Variants in DENND1B observed in about 807,000 individuals in gnomAD.
DENND1B encodes DENN domain-containing protein 1B.
In DENND1B, 59 loss-of-function variants were observed where a neutral mutation model predicts 90.1. The observed-to-expected ratio is 0.65, with a 90% CI of 0.53 to 0.81. The LOEUF is 0.81. DENND1B is among the 40% of genes least tolerant of loss of function. The pLI is 0.00. For missense variants in DENND1B, 862 were observed against 912.6 expected, an observed-to-expected ratio of 0.94 and a Z score of 0.71; for synonymous variants, 337 against 324.6, an observed-to-expected ratio of 1.04 and a Z score of -0.41.
rs748414373 is a variant in DENND1B at position 197,545,901 on chromosome 1, T to C, written c.1350+21A>G. ...TTTTATAATTTCATAAATAGGATTG[T>C]TAAATATCAAAAAAACTTACAAATT... On this transcript the variant is annotated intron_variant, in intron 18 of 22. Coordinates refer to ENST00000620048, the MANE Select transcript of DENND1B (RefSeq NM_001195215.2). 6 of 1,578,686 alleles carry C rather than the reference T, an allele frequency of 3.8e-6. No individual in the cohort carries two copies. In the East Asian group the frequency reaches 1.4e-4, roughly 36 times the overall value.
chr1:197,589,339 A>G (rs1033696432), intron 14 of DENND1B, among the ~76,000 whole-genome samples: 2 of 152,172 alleles, frequency 1.3e-5, no homozygotes, highest in Non-Finnish European at 2.9e-5. Context: ...AGAAATGAGC[A>G]GAAAGAAAGT....
intron 1 of DENND1B, 35 bp downstream of exon 1, chr1:197,775,104 G>C (rs975187999): frequency 4.0e-6 from 5 of 1,242,004 alleles, no homozygotes; most frequent in Non-Finnish European, 5.1e-6. Flanking sequence ...GCCGAGGGAC[G>C]CCCGCCCCCG....
intron 16 of DENND1B, 85 bp from the exon 17 acceptor site, chr1:197,546,858 A>G: frequency 1.6e-6 from 2 of 1,262,928 alleles, no homozygotes; most frequent in Non-Finnish European, 2.2e-6. Context: ...TAGTATTTGC[A>G]CAATTTTTAG....
Position 197,545,905 on chromosome 1 carries a change from A to G in DENND1B, c.1350+17T>C. Reference sequence around the variant, plus strand: ...ATAATTTCATAAATAGGATTGTTAAATATCAAAAAAACTTACAAATTTATA... The same window carrying G: ...ATAATTTCATAAATAGGATTGTTAAGTATCAAAAAAACTTACAAATTTATA... On this transcript the variant is annotated intron_variant, in intron 18 of 22. Transcript: ENST00000620048. The G allele has an allele frequency of 6.3e-7, 1 of 1,585,892 alleles. No homozygotes were observed. Among genetic ancestry groups the G allele is most frequent in the Non-Finnish European group, 8.6e-7 (1 of 1,168,072 alleles).
intron 10 of DENND1B, among the ~76,000 whole-genome samples, chr1:197,627,805 G>T (rs1049418165): frequency 5.9e-5 from 9 of 152,130 alleles, no homozygotes; most frequent in African/African-American, 1.7e-4. Context: ...AAAATCTCCT[G>T]AAGCTGATGA....
At chr1:197,673,258 G>GGT (rs1428349561) in intron 4 of DENND1B, among the ~76,000 whole-genome samples, 1 of 151,888 alleles carries the variant, frequency 6.6e-6, no homozygotes, top group African/African-American at 2.4e-5. Flanking sequence ...CTATTAATAT[G>GGT]AAACGTGTAA....
intron 14 of DENND1B, among the ~76,000 whole-genome samples, chr1:197,592,405 A>G (rs1348036392): frequency 6.6e-6 from 1 of 152,166 alleles, no homozygotes; most frequent in Non-Finnish European, 1.5e-5. Flanking sequence ...ACGTTTTAAT[A>G]GTGATCAAAA....
intron 2 of DENND1B, among the ~76,000 whole-genome samples, chr1:197,726,704 TAA>T (rs930249444): frequency 6.6e-6 from 1 of 152,038 alleles, no homozygotes; most frequent in Non-Finnish European, 1.5e-5. Flanking sequence ...ACAGAAATAC[TAA>T]AAGAGAATGA....
chr1:197,707,816 C>T (rs1659744928), intron 3 of DENND1B, among the ~76,000 whole-genome samples: 1 of 147,392 alleles, frequency 6.8e-6, no homozygotes, highest in Non-Finnish European at 1.5e-5. Context: ...ATCTGAGGTA[C>T]CGGGTTCATC....
intron 2 of DENND1B, among the ~76,000 whole-genome samples, chr1:197,761,549 T>C (rs1655056376): frequency 6.6e-6 from 1 of 152,166 alleles, no homozygotes; most frequent in South Asian, 2.1e-4. Flanking sequence ...AAATAACTTA[T>C]AATTAATTTG....
intron 15 of DENND1B, among the ~76,000 whole-genome samples, chr1:197,574,137 G>A (rs184738574): frequency 1.5e-3 from 234 of 152,316 alleles, no homozygotes; most frequent in African/African-American, 5.3e-3. Flanking sequence ...ATTAGGAAAA[G>A]AGGAAGTCAA....
intron 9 of DENND1B, among the ~76,000 whole-genome samples, chr1:197,644,812 A>G (rs1680590774): frequency 6.6e-6 from 1 of 152,208 alleles, no homozygotes; most frequent in Admixed American, 6.5e-5. Flanking sequence ...CCAAACACTC[A>G]GTAGGTTTGA....
chr1:197,703,215 G>A (rs953852175), intron 3 of DENND1B, among the ~76,000 whole-genome samples: 1 of 151,664 alleles, frequency 6.6e-6, no homozygotes, highest in African/African-American at 2.4e-5. Context: ...TCAAACTCCT[G>A]ACTTCAAGTG....
Position 197,652,223 on chromosome 1 carries a change from T to C in DENND1B, c.447+12A>G, listed in dbSNP as rs779615339. The C allele has an allele frequency of 4.4e-6, 7 of 1,607,588 alleles. No individual in the cohort carries two copies. Among genetic ancestry groups the C allele is most frequent in the Middle Eastern group, 1.7e-4 (1 of 6,044 alleles). On this transcript the variant is annotated intron_variant, in intron 7 of 22. Transcript: ENST00000620048. The stretch of plus-strand genomic sequence containing the variant: ...TATGACTCCCAAAAACAATTACTGA[T>C]TGAATACTTACCACACTCAAATTTA...
intron 13 of DENND1B, among the ~76,000 whole-genome samples, chr1:197,600,997 T>C (rs1340138745): frequency 1.3e-5 from 2 of 151,510 alleles, no homozygotes; most frequent in Non-Finnish European, 3.0e-5. Flanking sequence ...TTTTTTCCCG[T>C]GCCACTGAGC....
chr1:197,612,122 T>C, intron 11 of DENND1B, 146 bp from the exon 12 acceptor site: 1 of 507,602 alleles, frequency 2.0e-6, no homozygotes. Flanking sequence ...AATTATTCAA[T>C]ATATAAAGCT....
chr1:197,747,233 G>A, intron 2 of DENND1B: 2 of 665,204 alleles, frequency 3.0e-6, no homozygotes, highest in South Asian at 2.9e-5. Flanking sequence ...TACATATCTA[G>A]GGGAATTCCA....
In DENND1B at chr1:197,587,672, C is replaced by T. The variant is rs868798195; in HGVS notation, c.1048-4419G>A. 4.6e-5 allele frequency among the ~76,000 whole-genome samples: 7 copies of T among 152,054 alleles called. 1 individual carries two copies. Among genetic ancestry groups the T allele is most frequent in the Admixed American group, 1.3e-4 (2 of 15,264 alleles). On this transcript the variant is annotated intron_variant, in intron 14 of 22. Coordinates refer to ENST00000620048, the MANE Select transcript of DENND1B (RefSeq NM_001195215.2). ...TCCCCAAACTTCTTGGCACCAGACG[C>T]GGGTTTTGTGGAAGACAATTTTTCC...
At chr1:197,607,541 A>G (rs1283601962) in intron 12 of DENND1B, among the ~76,000 whole-genome samples, 1 of 150,852 alleles carries the variant, frequency 6.6e-6, no homozygotes, top group Non-Finnish European at 1.5e-5. Flanking sequence ...CTCTATACCT[A>G]TGTTTAGCAT....
Sources: gnomAD v4.1 joint callset for allele counts (sites outside exome capture counted in the v4.1 genomes callset) on GRCh38, gnomAD v4.1.1 for gene constraint, MANE v1.5 for transcripts, NCBI Gene and HGNC (gene_info 2026-07-23, HGNC 2026-07-21) for gene names.